The following NOL10 variants were observed in gnomAD, a reference collection of about 807,000 sequenced individuals.
The protein encoded by NOL10 is H_NH0074G24.1.
A neutral mutation model predicts 103.5 loss-of-function variants in NOL10; 58 were observed. The observed-to-expected ratio is 0.56, with a 90% CI of 0.45 to 0.70. NOL10 has a LOEUF of 0.70. Ranked by LOEUF, NOL10 falls within the 30% of genes least tolerant of loss-of-function variation. The probability of loss-of-function intolerance (pLI) is 0.00; values close to 1 mark genes in which losing one functional copy is unlikely to be tolerated. For missense variants in NOL10, 763 were observed against 807.3 expected (o/e 0.95, Z 0.67); for synonymous variants, 287 against 282.5 (o/e 1.02, Z -0.16).
chr2:10,668,745 T>G (rs1025959516), intron 6 of NOL10, 22 bp from the exon 7 acceptor site: 48 of 1,141,098 alleles, frequency 4.2e-5, no homozygotes, highest in Admixed American at 2.3e-5. Context: ...TAAAGAAAGT[T>G]AAAAACCTGC....
intron 16 of NOL10, among the ~76,000 whole-genome samples, chr2:10,601,302 AT>A (rs1675963501): frequency 6.6e-6 from 1 of 152,154 alleles, no homozygotes; most frequent in South Asian, 2.1e-4. Context: ...TGACCTCGTG[AT>A]CCGCCTGCCT....
chr2:10,590,951 T>C (rs1675360986), intron 17 of NOL10: 1 of 152,258 alleles, frequency 6.6e-6, no homozygotes, highest in African/African-American at 2.4e-5. Flanking sequence ...TGATGGACTC[T>C]GACTCTGCTG....
intron 19 of NOL10, among the ~76,000 whole-genome samples, chr2:10,583,455 T>C (rs1674863697): frequency 6.6e-6 from 1 of 152,212 alleles, no homozygotes; most frequent in African/African-American, 2.4e-5. Flanking sequence ...TCCAGCCTCC[T>C]CTTCCTGGGC....
chr2:10,632,298 C>T (rs949675126), intron 13 of NOL10, among the ~76,000 whole-genome samples: 4 of 152,166 alleles, frequency 2.6e-5, no homozygotes, highest in African/African-American at 7.2e-5. Flanking sequence ...AGTAAATAAA[C>T]GAAGAGAAAA....
Position 10,653,795 on chromosome 2 carries a change from G to A in NOL10, c.973+686C>T, listed in dbSNP as rs1239317715. Among the ~76,000 whole-genome samples the A allele has an allele frequency of 2.6e-5, 4 of 152,024 alleles. No individual in the cohort carries two copies. In the East Asian group the frequency reaches 5.8e-4, roughly 22 times the overall value. On this transcript the variant is annotated intron_variant, in intron 12 of 20. Transcript: ENST00000381685. ...CAACGCAAAGCAAAATCTTCTCACT[G>A]CTCCGCTCTCGGTGGTCACAGGGTA... is the stretch of plus-strand genomic sequence containing the variant.
intron 12 of NOL10, among the ~76,000 whole-genome samples, chr2:10,649,311 A>ATTTTTTTTTTTTTT (rs56031158): frequency 9.1e-5 from 9 of 99,054 alleles, no homozygotes; most frequent in East Asian, 3.3e-4. Flanking sequence ...GTATGTTTGA[A>ATTTTTTTTTTTTTT]TTTTTTTTTT....
In NOL10 at chr2:10,571,469, T is replaced by C. The variant is rs1464777805; in HGVS notation, c.*602A>G. The C allele has an allele frequency of 6.6e-6, 1 of 152,370 alleles. No homozygotes were observed. The highest frequency in any genetic ancestry group is 2.4e-5 in the African/African-American group (1 of 41,444). 9.4% of individuals were successfully genotyped at this position (152,370 alleles called of 1,614,324 possible). A position where few individuals can be genotyped will look rare whatever the true frequency, so the allele number is the denominator to read the frequency against. On this transcript the variant is annotated 3_prime_UTR_variant, in exon 21 of 21. Transcript: ENST00000381685. ...GCAGTGCAAGAACAGATAAATACAG[T>C]GCTCAAACAGTTTTAGATTTTCGGA...
At chr2:10,591,997 C>CACAAACAA (rs70953315) in intron 17 of NOL10, among the ~76,000 whole-genome samples, 1 of 88,648 alleles carries the variant, frequency 1.1e-5, no homozygotes, top group South Asian at 3.8e-4. Context: ...GAGACCTTGT[C>CACAAACAA]ACAAACAAAC....
chr2:10,641,875 C>T (rs370608249), intron 13 of NOL10, among the ~76,000 whole-genome samples: 1 of 152,210 alleles, frequency 6.6e-6, no homozygotes, highest in Admixed American at 6.5e-5. Flanking sequence ...CCCACATCTC[C>T]TCCTCTACTA....
At chr2:10,648,607 G>C (rs115010658) in intron 12 of NOL10, among the ~76,000 whole-genome samples, 4 of 152,050 alleles carry the variant, frequency 2.6e-5, no homozygotes, top group African/African-American at 9.7e-5. Context: ...TTAACAATGG[G>C]ATCAACCTTA....
chr2:10,677,328 T>C (rs1353264732), intron 3 of NOL10, among the ~76,000 whole-genome samples: 1 of 152,150 alleles, frequency 6.6e-6, no homozygotes, highest in Admixed American at 6.5e-5. Context: ...GAGACTTTCA[T>C]ATTTTATGTT....
At chr2:10,577,562 G>T in intron 20 of NOL10, 74 bp downstream of exon 20, 1 of 1,028,280 alleles carries the variant, frequency 9.7e-7, no homozygotes, top group Non-Finnish European at 1.5e-6. Flanking sequence ...CTGCTCTGAG[G>T]ACACACACAC....
chr2:10,587,044 TATATATATATAC>T (rs1420411515), intron 19 of NOL10, among the ~76,000 whole-genome samples: 1 of 58,264 alleles, frequency 1.7e-5, no homozygotes, highest in South Asian at 3.4e-4. Context: ...AAGTTAAATG[TATATATATATAC>T]ATATATATAT....
At chr2:10,572,558 A>C (rs915470075) in intron 20 of NOL10, among the ~76,000 whole-genome samples, 2 of 152,208 alleles carry the variant, frequency 1.3e-5, no homozygotes, top group Non-Finnish European at 2.9e-5. Flanking sequence ...CCACCTTAAG[A>C]AGATGATATC....
intron 7 of NOL10, among the ~76,000 whole-genome samples, chr2:10,668,430 A>C (rs1213746348): frequency 1.3e-5 from 2 of 152,204 alleles, no homozygotes; most frequent in African/African-American, 4.8e-5. Context: ...AGTATTTTTA[A>C]CTGACTTAAA....
chr2:10,646,210 C>T (rs1265843742), intron 12 of NOL10, among the ~76,000 whole-genome samples: 1 of 152,168 alleles, frequency 6.6e-6, no homozygotes, highest in Non-Finnish European at 1.5e-5. Flanking sequence ...CTCCAGGAGC[C>T]TTTGGACATA....
chr2:10,602,733 A>C (rs775976577), intron 16 of NOL10, 43 bp downstream of exon 16: 14 of 1,180,426 alleles, frequency 1.2e-5, no homozygotes, highest in Non-Finnish European at 1.7e-5. Context: ...ATGGAAATTA[A>C]GTACTCTTCT....
intron 13 of NOL10, among the ~76,000 whole-genome samples, chr2:10,611,678 G>A (rs914342516): frequency 2.0e-5 from 3 of 152,208 alleles, no homozygotes; most frequent in African/African-American, 7.2e-5. Flanking sequence ...CACTTTGGGA[G>A]GCTGAGGTGG....
chr2:10,630,737 A>C (rs144201806), intron 13 of NOL10, among the ~76,000 whole-genome samples: 87 of 152,126 alleles, frequency 5.7e-4, no homozygotes, highest in East Asian at 1.7e-3. Flanking sequence ...ACAAAAAAAA[A>C]CCCAAAAACT....
Sources: allele counts gnomAD v4.1 joint callset (sites outside exome capture counted in the v4.1 genomes callset), GRCh38; gene constraint gnomAD v4.1.1; transcripts MANE v1.5; gene names NCBI Gene and HGNC (gene_info 2026-07-23, HGNC 2026-07-21).